Variants in CALCR observed in about 807,000 individuals in gnomAD.
CALCR encodes the protein calcitonin receptor.
CALCR carries 47 observed loss-of-function variants against 59.5 expected under a neutral mutation model. The observed-to-expected ratio is 0.79, with a 90% CI of 0.63 to 1.01. The LOEUF is 1.01. CALCR is among the 50% of genes least tolerant of loss of function. The probability of loss-of-function intolerance (pLI) is 0.00; values close to 1 mark genes in which losing one functional copy is unlikely to be tolerated. For synonymous variants in CALCR, 213 were observed against 211.3 expected (o/e 1.01, Z -0.07); for missense variants, 566 against 597.1 (o/e 0.95, Z 0.54).
chr7:93,565,066 G>T (rs1789833910), intron 2 of CALCR, among the ~76,000 whole-genome samples: 1 of 152,170 alleles, frequency 6.6e-6, no homozygotes, highest in Non-Finnish European at 1.5e-5. Flanking sequence ...GTGTTTAACT[G>T]TCTTTGAGGT....
chr7:93,566,000 T>C (rs1442040742), intron 2 of CALCR, among the ~76,000 whole-genome samples: 3 of 152,192 alleles, frequency 2.0e-5, no homozygotes, highest in African/African-American at 7.2e-5. Context: ...GTTGCCTGCA[T>C]TGACTTTATG....
At chr7:93,468,087 T>A (rs1388230190) in intron 7 of CALCR, among the ~76,000 whole-genome samples, 2 of 151,770 alleles carry the variant, frequency 1.3e-5, no homozygotes, top group Non-Finnish European at 1.5e-5. Context: ...CTAACTTAAA[T>A]GTACCATTCC....
intron 2 of CALCR, among the ~76,000 whole-genome samples, chr7:93,488,693 G>A (rs1350240571): frequency 1.3e-5 from 2 of 151,350 alleles, no homozygotes; most frequent in African/African-American, 4.8e-5. Flanking sequence ...ATGGTAAAGG[G>A]AACAGTTCAA....
intron 2 of CALCR, among the ~76,000 whole-genome samples, chr7:93,488,973 A>G (rs2214214): frequency 0.53 from 80,185 of 151,598 alleles, 21,504 homozygotes; most frequent in East Asian, 0.69. Flanking sequence ...TCTTCTCAGT[A>G]CCACATGGAA....
At chr7:93,494,699 A>T (rs1396570648) in intron 2 of CALCR, among the ~76,000 whole-genome samples, 1 of 151,414 alleles carries the variant, frequency 6.6e-6, no homozygotes, top group Non-Finnish European at 1.5e-5. Context: ...GAAAAAAAGC[A>T]CTTTATGGTG....
chr7:93,463,617 C>T (rs748400984), intron 7 of CALCR, among the ~76,000 whole-genome samples: 5 of 151,918 alleles, frequency 3.3e-5, no homozygotes, highest in South Asian at 2.1e-4. Context: ...GACAAACAGG[C>T]GCTCTTGCCT....
intron 2 of CALCR, among the ~76,000 whole-genome samples, chr7:93,541,898 A>G (rs1040420031): frequency 1.3e-5 from 2 of 152,196 alleles, no homozygotes; most frequent in African/African-American, 4.8e-5. Context: ...TTTCTGAGAA[A>G]CTAATTGCTA....
At chr7:93,461,277 G>C (rs1336299473) in intron 7 of CALCR, among the ~76,000 whole-genome samples, 1 of 152,028 alleles carries the variant, frequency 6.6e-6, no homozygotes, top group Non-Finnish European at 1.5e-5. Flanking sequence ...CAACTATTAG[G>C]GTCTGCAGTG....
Position 93,453,522 on chromosome 7 carries a change from G to A in CALCR, c.648+7299C>T, listed in dbSNP as rs961449107. Among the ~76,000 whole-genome samples, 7 of 152,046 alleles carry A rather than the reference G, an allele frequency of 4.6e-5. No homozygotes were observed. The East Asian group carries it at 5.8e-4, about 13-fold the overall frequency. On this transcript the variant is annotated intron_variant, in intron 8 of 13. Transcript: ENST00000426151. ...CAGCAATGATCCAACATACCCTAAC[G>A]GAGTGTGCAAACCTCTACCATCTCA...
Position 93,494,543 on chromosome 7 carries a change from T to A in CALCR, c.-26-7536A>T, listed in dbSNP as rs1801156187. ...CCTATTAATTGAAGAGGTCTTAATT[T>A]TAAAGACTTGCATTATTTGGAACTA... On this transcript the variant is annotated intron_variant, in intron 2 of 13. Coordinates refer to ENST00000426151, the MANE Select transcript of CALCR (RefSeq NM_001742.4). 2.0e-5 allele frequency among the ~76,000 whole-genome samples: 3 copies of A among 151,594 alleles called. No homozygotes were observed. In the South Asian group the frequency reaches 6.2e-4, roughly 31 times the overall value.
chr7:93,462,862 C>T (rs1215076883), intron 7 of CALCR, among the ~76,000 whole-genome samples: 2 of 151,998 alleles, frequency 1.3e-5, no homozygotes, highest in Non-Finnish European at 1.5e-5. Context: ...CTTCTTAACA[C>T]TTATCACCTG....
At chr7:93,524,324 C>T (rs1355341517) in intron 2 of CALCR, among the ~76,000 whole-genome samples, 7 of 151,870 alleles carry the variant, frequency 4.6e-5, no homozygotes, top group South Asian at 2.1e-4. Context: ...CGCCTGCCAC[C>T]ACGCCCGGCT....
chr7:93,522,196 A>C (rs1421034690), intron 2 of CALCR, among the ~76,000 whole-genome samples: 1 of 152,156 alleles, frequency 6.6e-6, no homozygotes, highest in Non-Finnish European at 1.5e-5. Flanking sequence ...TTGAGTATCC[A>C]ATATTTTAGA....
chr7:93,499,178 T>C (rs1435701753), intron 2 of CALCR, among the ~76,000 whole-genome samples: 1 of 151,708 alleles, frequency 6.6e-6, no homozygotes, highest in Non-Finnish European at 1.5e-5. Flanking sequence ...TAGCAATGTA[T>C]AGATAAATAT....
chr7:93,438,677 T>A (rs931761651), intron 9 of CALCR, among the ~76,000 whole-genome samples: 1 of 152,190 alleles, frequency 6.6e-6, no homozygotes, highest in Non-Finnish European at 1.5e-5. Context: ...GGACGGTGTA[T>A]GAAAGCAATA....
At chr7:93,476,646 C>T (rs1248920485) in intron 5 of CALCR, among the ~76,000 whole-genome samples, 2 of 151,806 alleles carry the variant, frequency 1.3e-5, no homozygotes, top group Admixed American at 6.6e-5. Flanking sequence ...TCCACTTTGG[C>T]AAGAGCCCCA....
chr7:93,424,606 G>T lies in CALCR; in HGVS notation c.*1750C>A, dbSNP rs1020130902. ...CAAGCATAAGCATTTCACATAATTT[G>T]GGCAGAACTATGTGCAATTCTATAA... On this transcript the variant is annotated 3_prime_UTR_variant, in exon 14 of 14. Transcript: ENST00000426151. 9 of 152,412 alleles carry T rather than the reference G, an allele frequency of 5.9e-5. No homozygotes were observed. Among genetic ancestry groups the T allele is most frequent in the African/African-American group, 2.2e-4 (9 of 41,384 alleles). 9.4% of individuals were successfully genotyped at this position (152,412 alleles called of 1,614,324 possible).
intron 2 of CALCR, among the ~76,000 whole-genome samples, chr7:93,535,466 T>G (rs1788959658): frequency 1.3e-5 from 2 of 151,708 alleles, no homozygotes; most frequent in African/African-American, 4.8e-5. Flanking sequence ...CTTTCACGAG[T>G]AAGTATGAGG....
At chr7:93,463,447 TTTAAAATTTGTA>T (rs1259529491) in intron 7 of CALCR, among the ~76,000 whole-genome samples, 2 of 151,970 alleles carry the variant, frequency 1.3e-5, no homozygotes, top group African/African-American at 4.8e-5. Flanking sequence ...CTCATTGAGT[TTTAAAATTTGTA>T]TTATACTAAC....
Sources: allele counts gnomAD v4.1 joint callset (sites outside exome capture counted in the v4.1 genomes callset), GRCh38; gene constraint gnomAD v4.1.1; transcripts MANE v1.5; gene names NCBI Gene and HGNC (gene_info 2026-07-23, HGNC 2026-07-21).